Variants in USP15 observed in about 807,000 individuals in gnomAD.
USP15 encodes ubiquitin carboxyl-terminal hydrolase 15.
A neutral mutation model predicts 127.1 loss-of-function variants in USP15; 18 were observed. The observed-to-expected ratio is 0.14, with a 90% confidence interval of 0.10 to 0.21. The LOEUF is 0.21. USP15 is among the 10% of genes least tolerant of loss of function. The probability of loss-of-function intolerance (pLI) is 1.00; values close to 1 mark genes in which losing one functional copy is unlikely to be tolerated. For synonymous variants in USP15, 364 were observed against 393.7 expected, an observed-to-expected ratio of 0.92 and a Z score of 0.89; for missense variants, 805 against 1,159.9, an observed-to-expected ratio of 0.69 and a Z score of 4.44.
chr12:62,398,911 T>A (rs1429951797), intron 20 of USP15, among the ~76,000 whole-genome samples: 1 of 152,204 alleles, frequency 6.6e-6, no homozygotes, highest in Non-Finnish European at 1.5e-5. Context: ...TTTTATTAGT[T>A]GTTATTAATA....
At chr12:62,263,092 TTGA>T (rs1203579356) in intron 1 of USP15, among the ~76,000 whole-genome samples, 2 of 152,288 alleles carry the variant, frequency 1.3e-5, no homozygotes, top group South Asian at 2.1e-4. Context: ...AAGTATAAAT[TTGA>T]TGATGAACTT....
intron 6 of USP15, among the ~76,000 whole-genome samples, chr12:62,336,916 A>G (rs1404818261): frequency 2.0e-5 from 3 of 152,250 alleles, no homozygotes; most frequent in African/African-American, 4.8e-5. Context: ...AAGTTAAATG[A>G]TAGAATCTGA....
chr12:62,375,978 A>G (rs1433483169), intron 8 of USP15, among the ~76,000 whole-genome samples: 1 of 152,146 alleles, frequency 6.6e-6, no homozygotes, highest in East Asian at 1.9e-4. Flanking sequence ...AGTGAATTCC[A>G]AAAGTCTACC....
intron 1 of USP15, among the ~76,000 whole-genome samples, chr12:62,287,903 A>T (rs2137122892): frequency 6.6e-6 from 1 of 152,160 alleles, no homozygotes. Flanking sequence ...TGGCAAAGGT[A>T]TGTGGCTTTA....
At chr12:62,302,562 T>G (rs999586626) in intron 2 of USP15, among the ~76,000 whole-genome samples, 18 of 150,996 alleles carry the variant, frequency 1.2e-4, no homozygotes, top group East Asian at 5.8e-4. Flanking sequence ...ACATTATGAG[T>G]TTTTTTTTAT....
intron 6 of USP15, among the ~76,000 whole-genome samples, chr12:62,332,795 G>A (rs576783280): frequency 1.3e-5 from 2 of 152,054 alleles, no homozygotes; most frequent in Admixed American, 6.6e-5. Flanking sequence ...TCTGCCATTT[G>A]TGGTGTTCTG....
rs532979825 is a variant in USP15, at chr12:62,313,540, A to G, written c.349-1250A>G. On this transcript the variant is annotated intron_variant, in intron 3 of 21. Transcript: ENST00000280377. ...GCTATTGAGCCCCAGTATAGAAATT[A>G]CTGACTGATAAGAATATTTGATTCC... Among the ~76,000 whole-genome samples the G allele has an allele frequency of 5.9e-5, 9 of 151,824 alleles. No individual in the cohort carries two copies. In the East Asian group the frequency reaches 9.6e-4, roughly 16 times the overall value.
Position 62,321,477 on chromosome 12 carries a change from G to A in USP15, c.489G>A (p.Lys163=), listed in dbSNP as rs1332292006. The A allele has an allele frequency of 1.3e-6, 2 of 1,578,758 alleles. No homozygotes were observed. The highest frequency in any genetic ancestry group is 2.3e-5 in the East Asian group (1 of 43,840). The change falls in exon 5 of 22, where the codon AAG becomes AAA. Residue 163 remains lysine, a synonymous_variant. Coordinates refer to ENST00000280377, the MANE Select transcript of USP15 (RefSeq NM_001252078.2). ...SKADTIDTIE[K]EIRKIFSIPD... ...CCTTAAATCTAGATACAATTGAAAA[G>A]GAAATAAGAAAAATCTTCAGTATTC... is the stretch of plus-strand genomic sequence containing the variant.
At chr12:62,337,869 T>C (rs1344904400) in intron 6 of USP15, among the ~76,000 whole-genome samples, 1 of 152,210 alleles carries the variant, frequency 6.6e-6, no homozygotes, top group Non-Finnish European at 1.5e-5. Flanking sequence ...ATTTTCTTTA[T>C]CCAGTCTATC....
rs1017490912 is a variant in USP15 at position 62,404,454 on chromosome 12, A to G, written c.*79A>G. The G allele has an allele frequency of 1.2e-5, 17 of 1,428,610 alleles. No homozygotes were observed. In the African/African-American group the frequency reaches 2.5e-4, roughly 21 times the overall value. The allele number at this position is 1,428,610 out of a possible 1,614,324, so 88.5% of individuals were successfully genotyped here. On this transcript the variant is annotated 3_prime_UTR_variant, in exon 22 of 22. Transcript: ENST00000280377. ...AAATGATGAAGTTACCCACCACATTAAAACAAAAGTCTGAGATGGGGAGTT... is the reference window on the plus strand; with the variant it reads ...AAATGATGAAGTTACCCACCACATTGAAACAAAAGTCTGAGATGGGGAGTT...
chr12:62,362,544 A>G (rs1440385933), intron 8 of USP15, among the ~76,000 whole-genome samples: 1 of 152,104 alleles, frequency 6.6e-6, no homozygotes, highest in Non-Finnish European at 1.5e-5. Context: ...TTCAATGACA[A>G]AGTTGATTTT....
At chr12:62,396,056 A>C (rs1237654219) in intron 19 of USP15, among the ~76,000 whole-genome samples, 1 of 152,012 alleles carries the variant, frequency 6.6e-6, no homozygotes, top group East Asian at 1.9e-4. Flanking sequence ...TAAAATTTTC[A>C]ACCCATAAAC....
chr12:62,372,167 G>A (rs1016562317), intron 8 of USP15, among the ~76,000 whole-genome samples: 1 of 152,016 alleles, frequency 6.6e-6, no homozygotes, highest in African/African-American at 2.4e-5. Context: ...CCCAAAGATT[G>A]CACAGTAATT....
intron 3 of USP15, among the ~76,000 whole-genome samples, chr12:62,310,529 G>A (rs1027214848): frequency 4.0e-5 from 6 of 151,734 alleles, no homozygotes; most frequent in African/African-American, 1.2e-4. Flanking sequence ...AACGACCTCC[G>A]GCTTCATCCA....
At chr12:62,324,745 CTT>C (rs2065081501) in intron 5 of USP15, among the ~76,000 whole-genome samples, 1 of 151,844 alleles carries the variant, frequency 6.6e-6, no homozygotes, top group South Asian at 2.1e-4. Flanking sequence ...ATTAGCATCT[CTT>C]TTAACAACAA....
intron 7 of USP15, among the ~76,000 whole-genome samples, chr12:62,352,010 C>G (rs1322141041): frequency 6.6e-6 from 1 of 151,398 alleles, no homozygotes; most frequent in African/African-American, 2.4e-5. Context: ...AGCATAGTTT[C>G]TTTAAAAATA....
intron 1 of USP15, among the ~76,000 whole-genome samples, chr12:62,260,886 C>T (rs1369467288): frequency 2.6e-5 from 4 of 152,126 alleles, no homozygotes; most frequent in Non-Finnish European, 4.4e-5. Flanking sequence ...CGGCTTATCA[C>T]GATCTCACCG....
intron 4 of USP15, among the ~76,000 whole-genome samples, chr12:62,321,112 A>G (rs1209571043): frequency 1.3e-5 from 2 of 152,146 alleles, no homozygotes; most frequent in Non-Finnish European, 2.9e-5. Context: ...TCTTAATCAT[A>G]CTTTAATTTC....
chr12:62,381,069 C>T (rs1029412380), intron 8 of USP15, among the ~76,000 whole-genome samples: 2 of 151,918 alleles, frequency 1.3e-5, no homozygotes, highest in African/African-American at 4.8e-5. Flanking sequence ...GCAGTAAATA[C>T]CTCTATTAAG....
Sources: gnomAD v4.1 joint callset for allele counts (sites outside exome capture counted in the v4.1 genomes callset) on GRCh38, gnomAD v4.1.1 for gene constraint, MANE v1.5 for transcripts, NCBI Gene and HGNC (gene_info 2026-07-23, HGNC 2026-07-21) for gene names.